MACROD1: variants seen among roughly 807,000 people sequenced by gnomAD.
The protein encoded by MACROD1 is mono-ADP ribosylhydrolase 1.
MACROD1 carries 31 observed loss-of-function variants against 41.4 expected under a neutral mutation model. The ratio of observed to expected loss-of-function variants is 0.75; its 90% CI spans 0.56 to 1.01. MACROD1 has a LOEUF of 1.01. Ranked by LOEUF, MACROD1 falls within the 50% of genes least tolerant of loss-of-function variation. The pLI, the probability that MACROD1 is intolerant of heterozygous loss-of-function variation, is 0.00. For missense variants in MACROD1, 473 were observed against 460.0 expected (o/e 1.03, Z -0.26); for synonymous variants, 252 against 203.4 (o/e 1.24, Z -2.03).
intron 3 of MACROD1, among the ~76,000 whole-genome samples, chr11:64,052,792 C>A (rs1310504793): frequency 6.6e-6 from 1 of 152,214 alleles, no homozygotes; most frequent in Non-Finnish European, 1.5e-5. Context: ...ACTTTGTGAT[C>A]ATGGAAGCTG....
intron 3 of MACROD1, among the ~76,000 whole-genome samples, chr11:64,040,821 G>A (rs1331486477): frequency 6.6e-6 from 1 of 152,076 alleles, no homozygotes; most frequent in Non-Finnish European, 1.5e-5. Flanking sequence ...GTCCTGGAGG[G>A]CCCCGGACCC....
At chr11:64,001,746 C>T (rs1272623512) in intron 4 of MACROD1, 1 of 702,266 alleles carries the variant, frequency 1.4e-6, no homozygotes, top group South Asian at 1.5e-5. Context: ...CAGGGCGAGG[C>T]TGAGATGGAG....
At chr11:64,025,167 C>T (rs533429203) in intron 3 of MACROD1, among the ~76,000 whole-genome samples, 16 of 152,168 alleles carry the variant, frequency 1.1e-4, no homozygotes, top group African/African-American at 2.4e-4. Flanking sequence ...TTAGTAGAGA[C>T]GGGGTTTCAC....
At position 64,082,194 on chromosome 11, in the gene MACROD1, G is replaced by A. The variant is rs985390517; in HGVS notation, c.518-66913C>T. On this transcript the variant is annotated intron_variant, in intron 3 of 10. Transcript: ENST00000255681. The surrounding 1 kb of genome is among the most constrained non-coding windows in gnomAD (Gnocchi z 4.5). ...GAGCAGGCCAGAGCCAGGAGCAGGCGCGAAACATCCCTTAAATATTGGTGC... is the reference window on the plus strand; with the variant it reads ...GAGCAGGCCAGAGCCAGGAGCAGGCACGAAACATCCCTTAAATATTGGTGC... Among the ~76,000 whole-genome samples, 3 of 152,116 alleles carry A rather than the reference G, an allele frequency of 2.0e-5. No homozygotes were observed. Among genetic ancestry groups the A allele is most frequent in the Non-Finnish European group, 4.4e-5 (3 of 68,024 alleles).
In MACROD1 at chr11:64,050,447, C is replaced by G. The variant is rs563157346; in HGVS notation, c.518-35166G>C. Among the ~76,000 whole-genome samples the G allele has an allele frequency of 7.2e-5, 11 of 152,238 alleles. 1 individual carries two copies. The South Asian group carries it at 1.9e-3, about 26-fold the overall frequency. ...TGTGACAGTGGTGGGGACCCAGATG[C>G]CCGGGCACTGCTTCCACTCTGCCCC... On this transcript the variant is annotated intron_variant, in intron 3 of 10. Coordinates refer to ENST00000255681, the MANE Select transcript of MACROD1 (RefSeq NM_014067.4).
chr11:64,152,135 A>C (rs1945589446), intron 2 of MACROD1, among the ~76,000 whole-genome samples, 157 bp downstream of exon 2: 1 of 152,226 alleles, frequency 6.6e-6, no homozygotes, highest in African/African-American at 2.4e-5. Flanking sequence ...ATCTCAAAAA[A>C]TAAAATAAAA....
At chr11:64,092,584 T>C (rs1336724360) in intron 3 of MACROD1, among the ~76,000 whole-genome samples, 1 of 152,222 alleles carries the variant, frequency 6.6e-6, no homozygotes, top group Non-Finnish European at 1.5e-5. Context: ...GCCCGGCTCC[T>C]CTGCCCCGTC....
At chr11:64,002,256 C>A (rs11231673) in intron 4 of MACROD1, among the ~76,000 whole-genome samples, 2 of 152,156 alleles carry the variant, frequency 1.3e-5, no homozygotes, top group Non-Finnish European at 1.5e-5. Context: ...GGGGGCTCAC[C>A]GCCCTGCAGG....
intron 3 of MACROD1, chr11:64,118,303 C>G: frequency 6.5e-7 from 1 of 1,537,026 alleles, no homozygotes; most frequent in Admixed American, 1.9e-5. Context: ...TGCCCGCCCA[C>G]CCGGGCTGCC....
Position 64,010,001 on chromosome 11 carries a change from ATTGGTTGGGGTG to A in MACROD1, c.547+5239_547+5250del, listed in dbSNP as rs1167856801. On this transcript the variant is annotated intron_variant, in intron 4 of 10. Coordinates refer to ENST00000255681, the MANE Select transcript of MACROD1 (RefSeq NM_014067.4). ...TGTTGGTTGGGTTGTTGCCTGGGGTATTGGTTGGGGTGTTGGTTGGGGTGTTGGCTGGGTTGT... is the reference window on the plus strand; with the variant it reads ...TGTTGGTTGGGTTGTTGCCTGGGGTATTGGTTGGGGTGTTGGCTGGGTTGT... Among the ~76,000 whole-genome samples, 11 of 123,410 alleles carry A rather than the reference ATTGGTTGGGGTG, an allele frequency of 8.9e-5. 1 individual carries two copies. Among genetic ancestry groups the A allele is most frequent in the East Asian group, 5.4e-4 (2 of 3,732 alleles). 81.0% of individuals were successfully genotyped at this position (123,410 alleles called of 152,430 possible). A position where few individuals can be genotyped will look rare whatever the true frequency, so the allele number is the denominator to read the frequency against.
chr11:64,080,644 G>A (rs532405901), intron 3 of MACROD1, among the ~76,000 whole-genome samples: 2 of 152,298 alleles, frequency 1.3e-5, no homozygotes, highest in African/African-American at 4.8e-5. Context: ...TTACGTTTAT[G>A]AGCCTCCCCT....
intron 3 of MACROD1, among the ~76,000 whole-genome samples, chr11:64,056,647 C>T (rs918030398): frequency 2.0e-5 from 3 of 152,146 alleles, no homozygotes; most frequent in African/African-American, 4.8e-5. Context: ...GAAACATGGC[C>T]GACAGGTCAC....
chr11:64,043,814 CT>C (rs113497225), intron 3 of MACROD1, among the ~76,000 whole-genome samples: 217 of 144,290 alleles, frequency 1.5e-3, no homozygotes, highest in Middle Eastern at 7.2e-3. Flanking sequence ...GACATGGCAT[CT>C]TTTTTTTTTT....
At chr11:64,109,284 C>T (rs1193101346) in intron 3 of MACROD1, among the ~76,000 whole-genome samples, 1 of 152,116 alleles carries the variant, frequency 6.6e-6, no homozygotes, top group African/African-American at 2.4e-5. Flanking sequence ...AGACAGTGGG[C>T]CATAAGCCAC....
chr11:64,051,588 C>T (rs772376255), intron 3 of MACROD1, among the ~76,000 whole-genome samples: 7 of 152,318 alleles, frequency 4.6e-5, no homozygotes, highest in African/African-American at 9.6e-5. Context: ...GTCTGACAGA[C>T]GGCCTTGTGC....
chr11:64,111,015 G>A (rs866396517), intron 3 of MACROD1, among the ~76,000 whole-genome samples: 18 of 152,208 alleles, frequency 1.2e-4, no homozygotes, highest in Admixed American at 9.8e-4. Flanking sequence ...ACAGTGGAGC[G>A]GAAAGGCCTT....
At chr11:64,156,846 A>G (rs138438578) in intron 1 of MACROD1, among the ~76,000 whole-genome samples, 1 of 152,336 alleles carries the variant, frequency 6.6e-6, no homozygotes, top group African/African-American at 2.4e-5. Context: ...ATGCCTCAGA[A>G]GGCCAGCAGG....
At chr11:64,143,753 T>TACACACACACACAC (rs55995667) in intron 3 of MACROD1, among the ~76,000 whole-genome samples, 1,371 of 101,626 alleles carry the variant, frequency 0.013, 111 homozygotes, top group African/African-American at 0.036. Context: ...GACACACACA[T>TACACACACACACAC]ACACACACAC....
At chr11:64,074,062 G>A (rs1168448164) in intron 3 of MACROD1, among the ~76,000 whole-genome samples, 3 of 152,216 alleles carry the variant, frequency 2.0e-5, no homozygotes, top group African/African-American at 7.2e-5. Context: ...GCCAGCTGGG[G>A]ATGGGGGTGG....
Sources: allele counts gnomAD v4.1 joint callset (sites outside exome capture counted in the v4.1 genomes callset), GRCh38; gene constraint gnomAD v4.1.1; non-coding constraint Gnocchi (gnomAD v3.1); transcripts MANE v1.5; gene names NCBI Gene and HGNC (gene_info 2026-07-23, HGNC 2026-07-21).